The following PLPPR1 variants were observed in gnomAD, a reference collection of about 807,000 sequenced individuals.
PLPPR1 encodes the protein phospholipid phosphatase related 1.
PLPPR1 carries 10 observed loss-of-function variants against 33.1 expected under a neutral mutation model. The observed-to-expected ratio is 0.30, with a 90% CI of 0.19 to 0.51. The LOEUF (loss-of-function observed/expected upper bound fraction) is 0.51. Ranked by LOEUF, PLPPR1 falls within the 20% of genes least tolerant of loss-of-function variation. The probability of loss-of-function intolerance (pLI) is 0.97; values close to 1 mark genes in which losing one functional copy is unlikely to be tolerated. For missense variants in PLPPR1, 304 were observed against 408.1 expected (o/e 0.74, Z 2.20); for synonymous variants, 151 against 151.0 (o/e 1.00, Z 0.00).
rs937688899 is a variant in PLPPR1, at chr9:101,069,404, T to C, written c.-46+40302T>C. On this transcript the variant is annotated intron_variant, in intron 1 of 7. Transcript: ENST00000374874. ...GAGCCCATGATTAGAATCACTGTGT[T>C]GCAGGTCTGTGTCTACAATGGTAAC... is the stretch of plus-strand genomic sequence containing the variant. 6.3e-4 allele frequency among the ~76,000 whole-genome samples: 96 copies of C among 152,110 alleles called. 2 individuals carry two copies. Among genetic ancestry groups the C allele is most frequent in the Admixed American group, 6.1e-3 (93 of 15,264 alleles).
intron 2 of PLPPR1, among the ~76,000 whole-genome samples, chr9:101,238,337 C>G (rs1381757535): frequency 1.9e-5 from 2 of 102,940 alleles, no homozygotes; most frequent in African/African-American, 8.9e-5. Context: ...ATATACCTCT[C>G]TATATATAGA....
chr9:101,084,542 GTC>G (rs980482435), intron 1 of PLPPR1, among the ~76,000 whole-genome samples: 16 of 152,328 alleles, frequency 1.1e-4, no homozygotes, highest in African/African-American at 3.4e-4. Context: ...GAGAAGTAAA[GTC>G]TCTGGCTTTT....
At chr9:101,143,232 C>G (rs2118635578) in intron 1 of PLPPR1, among the ~76,000 whole-genome samples, 1 of 152,256 alleles carries the variant, frequency 6.6e-6, no homozygotes, top group Admixed American at 6.5e-5. Context: ...GCATTGGTTT[C>G]CAGACTTAAG....
intron 1 of PLPPR1, among the ~76,000 whole-genome samples, chr9:101,142,083 C>G (rs1244368959): frequency 6.6e-6 from 1 of 152,198 alleles, no homozygotes; most frequent in Admixed American, 6.5e-5. Flanking sequence ...CTGATCATCT[C>G]TCTCACTAGG....
chr9:101,122,563 AAC>A (rs1337030779), intron 1 of PLPPR1, among the ~76,000 whole-genome samples: 1 of 152,220 alleles, frequency 6.6e-6, no homozygotes, highest in East Asian at 1.9e-4. Context: ...ACAAAACAAA[AAC>A]AGTTTCAAAG....
chr9:101,097,460 A>G (rs1008349757), intron 1 of PLPPR1, among the ~76,000 whole-genome samples: 2 of 152,214 alleles, frequency 1.3e-5, no homozygotes, highest in African/African-American at 4.8e-5. Context: ...TTAGAATATA[A>G]GTGAACCTGT....
intron 4 of PLPPR1, among the ~76,000 whole-genome samples, chr9:101,306,919 G>C (rs10989471): frequency 0.41 from 61,865 of 152,058 alleles, 13,382 homozygotes; most frequent in African/African-American, 0.56. Context: ...GGTGAAGTAA[G>C]AGAGAGATGG....
At chr9:101,289,709 G>C (rs1235547566) in intron 4 of PLPPR1, among the ~76,000 whole-genome samples, 1 of 152,170 alleles carries the variant, frequency 6.6e-6, no homozygotes, top group Non-Finnish European at 1.5e-5. Flanking sequence ...GATATGACTT[G>C]CTCCTCCTTG....
At chr9:101,321,905 T>C (rs981744601) in intron 7 of PLPPR1, among the ~76,000 whole-genome samples, 1 of 148,528 alleles carries the variant, frequency 6.7e-6, no homozygotes, top group African/African-American at 2.4e-5. Context: ...CATCTATGTA[T>C]GTATATATAC....
chr9:101,228,218 A>G (rs1014770880), intron 2 of PLPPR1, among the ~76,000 whole-genome samples: 1 of 152,128 alleles, frequency 6.6e-6, no homozygotes, highest in Non-Finnish European at 1.5e-5. Context: ...GGTGAGAAAA[A>G]TAATGTTGCA....
intron 4 of PLPPR1, among the ~76,000 whole-genome samples, chr9:101,305,031 C>T (rs373845462): frequency 1.2e-4 from 19 of 152,082 alleles, no homozygotes; most frequent in African/African-American, 2.4e-4. Context: ...CAATTCAGAG[C>T]GAACTCATCC....
At chr9:101,314,747 A>AT (rs956178671) in intron 6 of PLPPR1, among the ~76,000 whole-genome samples, 11 of 131,324 alleles carry the variant, frequency 8.4e-5, no homozygotes, top group African/African-American at 3.6e-4. Flanking sequence ...AAAAGCTTCA[A>AT]TTTAAAAAAA....
At chr9:101,254,279 T>C (rs1428601795) in intron 2 of PLPPR1, among the ~76,000 whole-genome samples, 2 of 152,092 alleles carry the variant, frequency 1.3e-5, no homozygotes, top group Non-Finnish European at 2.9e-5. Context: ...CTAGGGGTGA[T>C]AGGAAACAGT....
At chr9:101,313,079 C>A in intron 6 of PLPPR1, 105 bp downstream of exon 6, 1 of 947,884 alleles carries the variant, frequency 1.1e-6, no homozygotes, top group Non-Finnish European at 1.6e-6. Flanking sequence ...TCGTCCCAAC[C>A]TTGTGAATTA....
At chr9:101,071,662 G>A (rs12344189) in intron 1 of PLPPR1, among the ~76,000 whole-genome samples, 1,528 of 151,728 alleles carry the variant, frequency 0.01, 36 homozygotes, top group African/African-American at 0.034. Flanking sequence ...TTTCAGCTAG[G>A]GATTCAGGGG....
intron 1 of PLPPR1, among the ~76,000 whole-genome samples, chr9:101,078,073 C>G (rs1830561842): frequency 9.2e-6 from 1 of 108,924 alleles, no homozygotes. Flanking sequence ...AAAAGAGAGT[C>G]TGGAATGGAG....
intron 2 of PLPPR1, among the ~76,000 whole-genome samples, chr9:101,237,077 A>T (rs1054132357): frequency 3.3e-5 from 5 of 151,902 alleles, no homozygotes; most frequent in African/African-American, 1.2e-4. Context: ...AATGCTCAAC[A>T]TCACAAATCA....
chr9:101,111,504 T>C (rs1410854), intron 1 of PLPPR1, among the ~76,000 whole-genome samples: 22,467 of 152,198 alleles, frequency 0.15, 1,835 homozygotes, highest in East Asian at 0.32. Context: ...TGGTGAAATA[T>C]TTGGGGGATA....
intron 1 of PLPPR1, among the ~76,000 whole-genome samples, chr9:101,069,987 G>A (rs1301793158): frequency 1.3e-5 from 2 of 152,054 alleles, no homozygotes; most frequent in Non-Finnish European, 2.9e-5. Context: ...TACCCATATC[G>A]TATCAAGAGT....
Sources: gnomAD v4.1 joint callset for allele counts (sites outside exome capture counted in the v4.1 genomes callset) on GRCh38, gnomAD v4.1.1 for gene constraint, MANE v1.5 for transcripts, NCBI Gene and HGNC (gene_info 2026-07-23, HGNC 2026-07-21) for gene names.